SKIDA1: variants seen among roughly 807,000 people sequenced by gnomAD.
The protein encoded by SKIDA1 is SKI/DACH domain containing 1.
A neutral mutation model predicts 51.4 loss-of-function variants in SKIDA1; 18 were observed. The ratio of observed to expected loss-of-function variants is 0.35; its 90% CI spans 0.24 to 0.52. SKIDA1 has a LOEUF of 0.52. SKIDA1 is among the 20% of genes least tolerant of loss of function. SKIDA1 has a pLI of 0.95. For synonymous variants in SKIDA1, 579 were observed against 500.5 expected (o/e 1.16, Z -2.09); for missense variants, 1,104 against 1,180.6 (o/e 0.94, Z 0.95).
intron 2 of SKIDA1, 136 bp from the exon 3 acceptor site, chr10:21,521,616 T>C (rs2032398372): frequency 6.6e-6 from 1 of 152,256 alleles, no homozygotes; most frequent in Non-Finnish European, 1.5e-5. Flanking sequence ...TTTATATATA[T>C]ATATCCTTCT....
chr10:21,522,615 G>A (rs1338822309), intron 2 of SKIDA1, among the ~76,000 whole-genome samples: 2 of 152,130 alleles, frequency 1.3e-5, no homozygotes, highest in South Asian at 2.1e-4. Flanking sequence ...GAATGAAGGA[G>A]TAGAAAATGG....
rs1242101295 is a variant in SKIDA1, at chr10:21,517,346, G to T, written c.477C>A (p.Gly159=). The change falls in exon 4 of 4, where the codon GGC becomes GGA. Residue 159 remains glycine, a synonymous_variant. Coordinates refer to ENST00000449193, the MANE Select transcript of SKIDA1 (RefSeq NM_207371.4). The surrounding 1 kb of genome is among the most constrained non-coding windows in gnomAD (Gnocchi z 6.9). ...LPISAQSQRP[G]AAAARPAAHL... is the part of the protein sequence containing the mutation. ...GGGCGGCGGGGCGCGCGGCGGCGGC[G>T]CCCGGGCGCTGGGACTGCGCGCTGA... The T allele has an allele frequency of 3.5e-6, 5 of 1,418,394 alleles. No homozygotes were observed. The African/African-American group carries it at 6.0e-5, about 17-fold the overall frequency. The allele number at this position is 1,418,394 out of a possible 1,614,324, so 87.9% of individuals were successfully genotyped here.
At position 21,516,728 on chromosome 10, in the gene SKIDA1, G is replaced by A. The variant is rs1454551307; in HGVS notation, c.1095C>T (p.His365=). Residue 365 remains histidine, a synonymous_variant, in exon 4 of 4, where the codon CAC becomes CAT. Coordinates refer to ENST00000449193, the MANE Select transcript of SKIDA1 (RefSeq NM_207371.4). This position sits in a 1 kb window ranked among gnomAD's most constrained non-coding sequence, Gnocchi z 5.7. ...PPQQSHHPPH[H]HRPQPHLGSF... ...TGCCCAGATGGGGCTGCGGCCGGTG[G>A]TGGTGAGGGGGGTGGTGACTCTGCT... The A allele has an allele frequency of 2.3e-5, 35 of 1,550,424 alleles. No homozygotes were observed. The highest frequency in any genetic ancestry group is 3.0e-5 in the Non-Finnish European group (34 of 1,146,720).
rs1286586800 is a variant in SKIDA1, at chr10:21,517,343, G to A, written c.480C>T (p.Ala160=). 28 of 1,418,916 alleles carry A rather than the reference G, an allele frequency of 2.0e-5. No homozygotes were observed. In the African/African-American group the frequency reaches 3.8e-4, roughly 19 times the overall value. The allele number at this position is 1,418,916 out of a possible 1,614,324, so 87.9% of individuals were successfully genotyped here. A position where few individuals can be genotyped will look rare whatever the true frequency, so the allele number is the denominator to read the frequency against. ...GATGGGCGGCGGGGCGCGCGGCGGC[G>A]GCGCCCGGGCGCTGGGACTGCGCGC... ...PISAQSQRPG[A]AAARPAAHLP... is the part of the protein sequence containing the mutation. Residue 160 remains alanine (A), a synonymous_variant, in exon 4 of 4, where the codon GCC becomes GCT. Transcript: ENST00000449193. This position sits in a 1 kb window ranked among gnomAD's most constrained non-coding sequence, Gnocchi z 6.9.
In SKIDA1 at chr10:21,517,118, GGCAGCA is replaced by G. The variant is rs773056898; in HGVS notation, c.699_704del (p.Ala243_Ala244del). The G allele has an allele frequency of 2.5e-5, 27 of 1,087,388 alleles. No individual in the cohort carries two copies. Among genetic ancestry groups the G allele is most frequent in the South Asian group, 1.9e-4 (5 of 25,850 alleles). 67.4% of individuals were successfully genotyped at this position (1,087,388 alleles called of 1,614,324 possible). A position where few individuals can be genotyped will look rare whatever the true frequency, so the allele number is the denominator to read the frequency against. On this transcript the variant is annotated inframe_deletion, in exon 4 of 4. Coordinates refer to ENST00000449193, the MANE Select transcript of SKIDA1 (RefSeq NM_207371.4). This position sits in a 1 kb window ranked among gnomAD's most constrained non-coding sequence, Gnocchi z 6.9. The stretch of plus-strand genomic sequence containing the variant: ...CGGCGGCGGCGGCGGCGGCGGCGGC[GGCAGCA>G]GCGGCGGCGGCGGCGGCGGCGGCGG...
chr10:21,515,652 C>T lies in SKIDA1; in HGVS notation c.2171G>A (p.Ser724Asn), dbSNP rs1479059724. The change falls in exon 4 of 4, where the codon AGT becomes AAT. Residue 724 changes from serine to asparagine, a missense_variant. Ser to Asn is a conservative substitution (Grantham distance 46, BLOSUM62 1). This residue lies in a region of SKIDA1 where 938 missense variants were observed against 886.4 expected (regional missense o/e 1.06). Transcript: ENST00000449193. ...TKGEFYSVTESKEEDALLTTA... is the reference protein window; with the variant it reads ...TKGEFYSVTENKEEDALLTTA... ...GGTTAACAAGGCGTCCTCCTCTTTA[C>T]TCTCAGTCACACTGTAAAACTCACC... 1.9e-6 allele frequency: 3 copies of T among 1,613,952 alleles called. No homozygotes were observed. Among genetic ancestry groups the T allele is most frequent in the South Asian group, 2.2e-5 (2 of 91,086 alleles).
Position 21,517,132 on chromosome 10 carries a change from C to CGGG in SKIDA1, c.690_691insCCC (p.Ala230_Ala231insPro). ...GCGGCGGCGGCGGCAGCAGCGGCGG[C>CGGG]GGCGGCGGCGGCGGCGGCTGCCGGG... On this transcript the variant is annotated inframe_insertion, in exon 4 of 4. Coordinates refer to ENST00000449193, the MANE Select transcript of SKIDA1 (RefSeq NM_207371.4). This position sits in a 1 kb window ranked among gnomAD's most constrained non-coding sequence, Gnocchi z 6.9. The CGGG allele has an allele frequency of 1.7e-6, 2 of 1,206,968 alleles. No individual in the cohort carries two copies. The highest frequency in any genetic ancestry group is 2.1e-6 in the Non-Finnish European group (2 of 964,194). 74.8% of individuals were successfully genotyped at this position (1,206,968 alleles called of 1,614,324 possible).
In SKIDA1 at chr10:21,515,979, GTGT is replaced by G. The variant is rs779249916; in HGVS notation, c.1841_1843del (p.Asn614del). On this transcript the variant is annotated inframe_deletion, in exon 4 of 4. Transcript: ENST00000449193. ...ATTATTTAAGAACCTAGCAGCTATT[GTGT>G]TGTTATCTGCACAGTGTGTAGTAGG... 19 of 1,613,952 alleles carry G rather than the reference GTGT, an allele frequency of 1.2e-5. No homozygotes were observed. The highest frequency in any genetic ancestry group is 1.3e-5 in the African/African-American group (1 of 75,032).
rs1158006482 is a variant in SKIDA1 at position 21,525,537 on chromosome 10, C to T, written c.-2118+10G>A. 6.6e-6 allele frequency: 1 copy of T among 152,136 alleles called. No individual in the cohort carries two copies. Among genetic ancestry groups the T allele is most frequent in the African/African-American group, 2.4e-5 (1 of 41,390 alleles). The allele number at this position is 152,136 out of a possible 1,614,324, so 9.4% of individuals were successfully genotyped here. On this transcript the variant is annotated intron_variant, in intron 1 of 3. Coordinates refer to ENST00000449193, the MANE Select transcript of SKIDA1 (RefSeq NM_207371.4). Reference sequence around the variant, plus strand: ...CTCCACCCCACCCCGCCTCAAAATCCGTATATTACCTGCCCTGTTACAGTG... The same window carrying T: ...CTCCACCCCACCCCGCCTCAAAATCTGTATATTACCTGCCCTGTTACAGTG...
chr10:21,517,039 C>G lies in SKIDA1; in HGVS notation c.784G>C (p.Gly262Arg). The G allele has an allele frequency of 9.8e-7, 1 of 1,021,138 alleles. No homozygotes were observed. The highest frequency in any genetic ancestry group is 1.2e-6 in the Non-Finnish European group (1 of 858,368). The allele number at this position is 1,021,138 out of a possible 1,614,324, so 63.3% of individuals were successfully genotyped here. ...GPQPKAAAGA[G>R]GPGSLSYRCK... is the part of the protein sequence containing the mutation. ...CGGTAGCTCAGGCTCCCCGGGCCTCCGGCGCCCGCCGCTGCCTTGGGCTGG... is the reference window on the plus strand; with the variant it reads ...CGGTAGCTCAGGCTCCCCGGGCCTCGGGCGCCCGCCGCTGCCTTGGGCTGG... The change falls in exon 4 of 4, where the codon GGA (glycine) becomes CGA (arginine). Residue 262 changes from glycine to arginine, a missense_variant. Gly to Arg is a moderately radical substitution (Grantham distance 125). Coordinates refer to ENST00000449193, the MANE Select transcript of SKIDA1 (RefSeq NM_207371.4). The surrounding 1 kb of genome is among the most constrained non-coding windows in gnomAD (Gnocchi z 6.9).
Position 21,518,065 on chromosome 10 carries a change from G to T in SKIDA1, c.-243C>A. The T allele has an allele frequency of 4.2e-6, 2 of 471,484 alleles. No individual in the cohort carries two copies. Among genetic ancestry groups the T allele is most frequent in the East Asian group, 3.5e-5 (1 of 28,294 alleles). The allele number at this position is 471,484 out of a possible 1,614,324, so 29.2% of individuals were successfully genotyped here. ...TTGCTTTTTTGTTGTTGTTGTTTTCGTTTTTTTAAAAAAGAGGGAAAAAAC... is the reference window on the plus strand; with the variant it reads ...TTGCTTTTTTGTTGTTGTTGTTTTCTTTTTTTTAAAAAAGAGGGAAAAAAC... On this transcript the variant is annotated 5_prime_UTR_variant, in exon 4 of 4. Transcript: ENST00000449193.
At position 21,517,166 on chromosome 10, in the gene SKIDA1, G is replaced by A. The variant is rs1323661952; in HGVS notation, c.657C>T (p.Cys219=). Residue 219 remains cysteine (C), a synonymous_variant, in exon 4 of 4, where the codon TGC becomes TGT. Coordinates refer to ENST00000449193, the MANE Select transcript of SKIDA1 (RefSeq NM_207371.4). This position sits in a 1 kb window ranked among gnomAD's most constrained non-coding sequence, Gnocchi z 6.9. ...SDPAYFRSLL[C]SKHPAAAAAA... ...CGGCGGCGGCTGCCGGGTGTTTGCT[G>A]CACAGCAGGCTCCGAAAATAAGCAG... 5.7e-6 allele frequency: 8 copies of A among 1,406,318 alleles called. No homozygotes were observed. The African/African-American group carries it at 1.1e-4, about 19-fold the overall frequency. The allele number at this position is 1,406,318 out of a possible 1,614,324, so 87.1% of individuals were successfully genotyped here.
rs1588684119 is a variant in SKIDA1 at position 21,517,445 on chromosome 10, G to A, written c.378C>T (p.Ser126=). 4 of 1,504,770 alleles carry A rather than the reference G, an allele frequency of 2.7e-6. No homozygotes were observed. The highest frequency in any genetic ancestry group is 2.5e-5 in the East Asian group (1 of 40,216). 93.2% of individuals were successfully genotyped at this position (1,504,770 alleles called of 1,614,324 possible). The change falls in exon 4 of 4, where the codon AGC becomes AGT. Residue 126 remains serine (S), a synonymous_variant. Coordinates refer to ENST00000449193, the MANE Select transcript of SKIDA1 (RefSeq NM_207371.4). The surrounding 1 kb of genome is among the most constrained non-coding windows in gnomAD (Gnocchi z 6.9). ...TGTCCTTCCAAAATCCCGGGCGGGG[G>A]CTGGCGGCAGCGGCGCGCTCTGGCG... ...APPPERAAAA[S]PRPGFWKDKH... is the part of the protein sequence containing the mutation.
chr10:21,515,639 G>A lies in SKIDA1; in HGVS notation c.2184C>T (p.Asp728=). ...CTTCCTTGGCTGTGGTTAACAAGGC[G>A]TCCTCCTCTTTACTCTCAGTCACAC... ...FYSVTESKEE[D]ALLTTAKEGF... Residue 728 remains aspartate, a synonymous_variant, in exon 4 of 4, where the codon GAC becomes GAT. Coordinates refer to ENST00000449193, the MANE Select transcript of SKIDA1 (RefSeq NM_207371.4). 2.5e-6 allele frequency: 4 copies of A among 1,613,988 alleles called. No homozygotes were observed. The highest frequency in any genetic ancestry group is 3.4e-6 in the Non-Finnish European group (4 of 1,179,886).
intron 3 of SKIDA1, among the ~76,000 whole-genome samples, chr10:21,521,058 G>GCGCA (rs1554772011): frequency 6.8e-6 from 1 of 146,660 alleles, no homozygotes; most frequent in Non-Finnish European, 1.5e-5. Flanking sequence ...ATGAGTGCAT[G>GCGCA]CACACACACA....
rs373063894 is a variant in SKIDA1, at chr10:21,518,588, C to T, written c.-766G>A. 43 of 166,378 alleles carry T rather than the reference C, an allele frequency of 2.6e-4. No individual in the cohort carries two copies. Among genetic ancestry groups the T allele is most frequent in the African/African-American group, 9.9e-4 (41 of 41,258 alleles). The allele number at this position is 166,378 out of a possible 1,614,324, so 10.3% of individuals were successfully genotyped here. On this transcript the variant is annotated 5_prime_UTR_variant, in exon 4 of 4. Transcript: ENST00000449193. ...ATATTCGCCTTTAAAGAAATACTGC[C>T]TATTTTTTTCGTTTATTTGCATTTT...
chr10:21,514,930 A>AC lies in SKIDA1; in HGVS notation c.*165_*166insG. On this transcript the variant is annotated 3_prime_UTR_variant, in exon 4 of 4. Transcript: ENST00000449193. Reference sequence around the variant, plus strand: ...CCCACCCTACTCCAGAAAAAAAAAAAAAAACCCGCAACGGAAAAAAAGTAA... The same window carrying AC: ...CCCACCCTACTCCAGAAAAAAAAAAACAAAACCCGCAACGGAAAAAAAGTAA... 1.3e-6 allele frequency: 1 copy of AC among 792,398 alleles called. No homozygotes were observed. Among genetic ancestry groups the AC allele is most frequent in the Non-Finnish European group, 1.6e-6 (1 of 610,582 alleles). The allele number at this position is 792,398 out of a possible 1,614,324, so 49.1% of individuals were successfully genotyped here. A position where few individuals can be genotyped will look rare whatever the true frequency, so the allele number is the denominator to read the frequency against.
rs1452899543 is a variant in SKIDA1, at chr10:21,515,659, T to C, written c.2164A>G (p.Thr722Ala). 6.2e-7 allele frequency: 1 copy of C among 1,614,078 alleles called. No homozygotes were observed. The highest frequency in any genetic ancestry group is 1.7e-5 in the Admixed American group (1 of 60,028). The stretch of plus-strand genomic sequence containing the variant: ...AAGGCGTCCTCCTCTTTACTCTCAG[T>C]CACACTGTAAAACTCACCCTTTGTA... ...NDTKGEFYSV[T>A]ESKEEDALLT... Residue 722 changes from threonine (T) to alanine (A), a missense_variant, in exon 4 of 4, where the codon ACT (threonine) becomes GCT (alanine). Thr to Ala is a moderately conservative substitution (Grantham distance 58). Transcript: ENST00000449193.
In SKIDA1 at chr10:21,523,697, G is replaced by A. The variant is rs2032512060; in HGVS notation, c.-1943C>T. The A allele has an allele frequency of 6.6e-6, 1 of 152,154 alleles. No individual in the cohort carries two copies. The highest frequency in any genetic ancestry group is 1.9e-4 in the East Asian group (1 of 5,200). 9.4% of individuals were successfully genotyped at this position (152,154 alleles called of 1,614,324 possible). On this transcript the variant is annotated 5_prime_UTR_variant, in exon 2 of 4. Coordinates refer to ENST00000449193, the MANE Select transcript of SKIDA1 (RefSeq NM_207371.4). The stretch of plus-strand genomic sequence containing the variant: ...TTGAGGCCTACCTATGGGCTGCTCA[G>A]CCATACTGAAATCCTGAGCCACCAC...
Sources: allele counts gnomAD v4.1 joint callset (sites outside exome capture counted in the v4.1 genomes callset), GRCh38; gene constraint gnomAD v4.1.1; regional missense constraint gnomAD v4.1.1; non-coding constraint Gnocchi (gnomAD v3.1); transcripts MANE v1.5; gene names NCBI Gene and HGNC (gene_info 2026-07-23, HGNC 2026-07-21).